The following DHRSX variants were observed in gnomAD, a reference collection of about 807,000 sequenced individuals.
DHRSX encodes the protein polyprenol dehydrogenase.
Under a neutral mutation model 34.0 loss-of-function variants are expected in DHRSX, and 31 were observed. The ratio of observed to expected loss-of-function variants is 0.91; its 90% CI spans 0.69 to 1.23. The LOEUF is 1.23. Among genes scored for constraint, DHRSX ranks in the 50% most tolerant of loss-of-function variants. The pLI, the probability that DHRSX is intolerant of heterozygous loss-of-function variation, is 0.00. For missense variants in DHRSX, 414 were observed against 428.1 expected (o/e 0.97, Z 0.29); for synonymous variants, 201 against 183.8 (o/e 1.09, Z -0.76).
rs1387745381 is a variant in DHRSX, at chrX:2,401,902, C to T, written c.286+6843G>A. Among the ~76,000 whole-genome samples the T allele has an allele frequency of 2.6e-5, 4 of 152,196 alleles. No homozygotes were observed. In the South Asian group the frequency reaches 8.3e-4, roughly 32 times the overall value. ...TCTCGCCCAGATTCCTGAAAACAAT[C>T]GCGCATTTATAATTCCGAGAGCTCA... On this transcript the variant is annotated intron_variant, in intron 3 of 6. Coordinates refer to ENST00000334651, the MANE Select transcript of DHRSX (RefSeq NM_145177.3).
intron 3 of DHRSX, among the ~76,000 whole-genome samples, chrX:2,348,325 C>T (rs974865090): frequency 2.6e-5 from 4 of 152,152 alleles, no homozygotes; most frequent in Non-Finnish European, 4.4e-5. Flanking sequence ...GAAGCAAAGG[C>T]TCTTCTGGCT....
At chrX:2,253,997 C>G (rs891126216) in intron 5 of DHRSX, among the ~76,000 whole-genome samples, 1 of 151,784 alleles carries the variant, frequency 6.6e-6, no homozygotes, top group Non-Finnish European at 1.5e-5. Flanking sequence ...GAAGGCGGAG[C>G]TTGCAGTGAG....
At chrX:2,319,315 C>T (rs1287858603) in intron 3 of DHRSX, among the ~76,000 whole-genome samples, 1 of 150,746 alleles carries the variant, frequency 6.6e-6, no homozygotes, top group African/African-American at 2.4e-5. Flanking sequence ...GAGGCCGAGG[C>T]GGGTAGATCA....
At chrX:2,229,756 C>T (rs1569476984) in intron 6 of DHRSX, among the ~76,000 whole-genome samples, 1 of 151,708 alleles carries the variant, frequency 6.6e-6, no homozygotes, top group Non-Finnish European at 1.5e-5. Context: ...TATGTGCATG[C>T]ATGTGTGTGG....
At chrX:2,494,630 T>C (rs1472222796) in intron 1 of DHRSX, among the ~76,000 whole-genome samples, 1 of 151,932 alleles carries the variant, frequency 6.6e-6, no homozygotes, top group Non-Finnish European at 1.5e-5. Flanking sequence ...GTTCTATTAT[T>C]ATCATTATTA....
intron 1 of DHRSX, among the ~76,000 whole-genome samples, chrX:2,444,747 A>G (rs1360295096): frequency 6.6e-6 from 1 of 152,064 alleles, no homozygotes; most frequent in Admixed American, 6.6e-5. Flanking sequence ...AGGTGGGAGC[A>G]TGGCTTGAGT....
intron 1 of DHRSX, among the ~76,000 whole-genome samples, chrX:2,437,698 AGTGTGTGTGTGTGTGT>A (rs57675169): frequency 0.52 from 51,574 of 98,380 alleles, 10,837 homozygotes; most frequent in East Asian, 0.7. Flanking sequence ...AGAGAGAGAG[AGTGTGTGTGTGTGTGT>A]GTGTGTGTGT....
At chrX:2,230,747 C>G (rs2015858141) in intron 6 of DHRSX, among the ~76,000 whole-genome samples, 2 of 152,266 alleles carry the variant, frequency 1.3e-5, no homozygotes, top group South Asian at 4.1e-4. Flanking sequence ...AGTGTCCAGC[C>G]TGCCCTGCAG....
intron 3 of DHRSX, among the ~76,000 whole-genome samples, chrX:2,345,796 G>A (rs921212477): frequency 4.2e-4 from 64 of 152,142 alleles, no homozygotes; most frequent in African/African-American, 1.5e-3. Flanking sequence ...AAGGGATTCT[G>A]CCAACAGATG....
At chrX:2,409,395 G>C (rs928507451) in intron 2 of DHRSX, among the ~76,000 whole-genome samples, 17 of 152,072 alleles carry the variant, frequency 1.1e-4, no homozygotes, top group African/African-American at 3.6e-4. Flanking sequence ...ATCTACATTA[G>C]GTATTTCTCC....
intron 3 of DHRSX, among the ~76,000 whole-genome samples, chrX:2,360,394 C>G (rs756438351): frequency 1.3e-5 from 2 of 152,198 alleles, no homozygotes; most frequent in South Asian, 4.1e-4. Flanking sequence ...ACCAGCCTGA[C>G]CAACATGGTG....
intron 3 of DHRSX, among the ~76,000 whole-genome samples, chrX:2,394,868 G>GAA (rs35184380): frequency 4.4e-5 from 6 of 135,530 alleles, no homozygotes; most frequent in African/African-American, 1.1e-4. Flanking sequence ...TCCGTCTCAT[G>GAA]AAAAAAAAAA....
At chrX:2,370,650 G>A (rs1214168663) in intron 3 of DHRSX, among the ~76,000 whole-genome samples, 1 of 150,274 alleles carries the variant, frequency 6.7e-6, no homozygotes. Flanking sequence ...AGTCAGCCTA[G>A]GACAAGGCTG....
At chrX:2,259,085 C>T (rs2041319156) in intron 5 of DHRSX, among the ~76,000 whole-genome samples, 1 of 151,984 alleles carries the variant, frequency 6.6e-6, no homozygotes, top group Non-Finnish European at 1.5e-5. Context: ...TCATCCTGGC[C>T]AACATGGTGA....
chrX:2,254,549 G>C (rs1359445771), intron 5 of DHRSX, among the ~76,000 whole-genome samples: 1 of 152,110 alleles, frequency 6.6e-6, no homozygotes, highest in Non-Finnish European at 1.5e-5. Context: ...GGATATCTAC[G>C]CTTAATATTC....
intron 1 of DHRSX, among the ~76,000 whole-genome samples, chrX:2,474,361 G>C (rs961446164): frequency 2.7e-5 from 4 of 150,348 alleles, no homozygotes; most frequent in African/African-American, 9.8e-5. Flanking sequence ...CCTAAGAATG[G>C]GGCCAAGGGA....
intron 3 of DHRSX, among the ~76,000 whole-genome samples, chrX:2,402,964 C>A (rs2043505999): frequency 6.8e-6 from 1 of 147,448 alleles, no homozygotes; most frequent in Non-Finnish European, 1.5e-5. Context: ...CTCACAGCAA[C>A]CTCCGCCTCC....
intron 1 of DHRSX, among the ~76,000 whole-genome samples, chrX:2,483,401 C>G (rs956578007): frequency 1.3e-5 from 2 of 152,092 alleles, no homozygotes; most frequent in African/African-American, 4.8e-5. Context: ...GTAGCTGGGA[C>G]TGACTACAGA....
At chrX:2,252,156 G>C (rs2016448814) in intron 5 of DHRSX, among the ~76,000 whole-genome samples, 1 of 152,118 alleles carries the variant, frequency 6.6e-6, no homozygotes, top group African/African-American at 2.4e-5. Flanking sequence ...GAGAATCCTT[G>C]AACCCGGGAG....
Sources: allele counts gnomAD v4.1 joint callset (sites outside exome capture counted in the v4.1 genomes callset), GRCh38; gene constraint gnomAD v4.1.1; transcripts MANE v1.5; gene names NCBI Gene and HGNC (gene_info 2026-07-23, HGNC 2026-07-21).